AKAIN1: variants seen among roughly 807,000 people sequenced by gnomAD.
AKAIN1 encodes the protein A-kinase anchor inhibitor 1.
A neutral mutation model predicts 3.7 loss-of-function variants in AKAIN1; 3 were observed. That is an observed-to-expected ratio of 0.82 (90% CI 0.37 to 2.12). The LOEUF is 2.12. Ranked by LOEUF, AKAIN1 falls within the 30% of genes most tolerant of loss-of-function variation. AKAIN1 has a pLI of 0.06. For synonymous variants in AKAIN1, 31 were observed against 30.8 expected, an observed-to-expected ratio of 1.01 and a Z score of -0.02; for missense variants, 82 against 82.7, an observed-to-expected ratio of 0.99 and a Z score of 0.03.
At chr18:5,157,354 C>T (rs567348046) in intron 1 of AKAIN1, among the ~76,000 whole-genome samples, 1 of 152,374 alleles carries the variant, frequency 6.6e-6, no homozygotes, top group African/African-American at 2.4e-5. Flanking sequence ...TATCCCCTCA[C>T]TTTTGTTTAT....
chr18:5,164,052 T>C (rs1247861363), intron 1 of AKAIN1, among the ~76,000 whole-genome samples: 1 of 152,088 alleles, frequency 6.6e-6, no homozygotes, highest in Non-Finnish European at 1.5e-5. Context: ...CTCTTTTGAA[T>C]ATATATCATA....
At chr18:5,177,736 T>C (rs989362865) in intron 1 of AKAIN1, among the ~76,000 whole-genome samples, 5 of 152,150 alleles carry the variant, frequency 3.3e-5, no homozygotes, top group Non-Finnish European at 5.9e-5. Context: ...ATGACAAAAA[T>C]AGAAGCCTTG....
intron 1 of AKAIN1, among the ~76,000 whole-genome samples, chr18:5,175,403 G>A (rs555588926): frequency 6.6e-6 from 1 of 152,234 alleles, no homozygotes; most frequent in African/African-American, 2.4e-5. Context: ...AGAGATCATG[G>A]CATCCTAGGA....
At chr18:5,191,686 G>T (rs960267929) in intron 1 of AKAIN1, among the ~76,000 whole-genome samples, 2 of 151,408 alleles carry the variant, frequency 1.3e-5, no homozygotes, top group East Asian at 1.9e-4. Context: ...CCAAAATAAT[G>T]TTGAAAAAAA....
chr18:5,169,242 G>T (rs1230727107), intron 1 of AKAIN1, among the ~76,000 whole-genome samples: 1 of 151,998 alleles, frequency 6.6e-6, no homozygotes, highest in African/African-American at 2.4e-5. Context: ...CCACGTTATG[G>T]AGAGTCATAT....
In AKAIN1 at chr18:5,143,185, G is replaced by A. The variant is rs754392300; in HGVS notation, c.*2377C>T. ...TTAATCCTATGTCAAATGAAGTTCT[G>A]TAGGCCCCTTGTAAAATCTAGTAAC... On this transcript the variant is annotated 3_prime_UTR_variant, in exon 2 of 2. Coordinates refer to ENST00000434239, the MANE Select transcript of AKAIN1 (RefSeq NM_001145194.2). Among the ~76,000 whole-genome samples the A allele has an allele frequency of 6.6e-6, 1 of 152,242 alleles. No individual in the cohort carries two copies. Among genetic ancestry groups the A allele is most frequent in the Non-Finnish European group, 1.5e-5 (1 of 68,046 alleles).
At chr18:5,192,385 T>TTTATTTTCTTTCTTTCTTTC (rs572080430) in intron 1 of AKAIN1, among the ~76,000 whole-genome samples, 46 of 107,074 alleles carry the variant, frequency 4.3e-4, no homozygotes, top group African/African-American at 1.4e-3. Flanking sequence ...ACAGAGCTAA[T>TTTATTTTCTTTCTTTCTTTC]TTTCTTTCTT....
intron 1 of AKAIN1, among the ~76,000 whole-genome samples, chr18:5,192,147 A>G (rs1315114352): frequency 6.6e-6 from 1 of 152,204 alleles, no homozygotes; most frequent in Non-Finnish European, 1.5e-5. Flanking sequence ...AGTGATAAAG[A>G]CAGTGTGGTC....
At chr18:5,187,210 G>A (rs1490694312) in intron 1 of AKAIN1, among the ~76,000 whole-genome samples, 1 of 151,938 alleles carries the variant, frequency 6.6e-6, no homozygotes, top group East Asian at 1.9e-4. Flanking sequence ...ATTGAAAACA[G>A]GAAAAACAAT....
intron 1 of AKAIN1, among the ~76,000 whole-genome samples, chr18:5,191,171 C>A (rs2071316099): frequency 6.6e-6 from 1 of 152,050 alleles, no homozygotes; most frequent in South Asian, 2.1e-4. Context: ...GTACTAGAAG[C>A]ACTAGTCTGT....
At chr18:5,197,505 A>AAAAAAAAAAAAAC, upstream of AKAIN1, 1 of 1,024,802 alleles carries the variant, frequency 9.8e-7, no homozygotes, top group African/African-American at 4.4e-5. This position sits in a 1 kb window ranked among gnomAD's most constrained non-coding sequence, Gnocchi z 6.9. Context: ...TAGATTTGTC[A>AAAAAAAAAAAAAC]AAAAAAAAAA....
At chr18:5,197,609 C>T (rs545805640), upstream of AKAIN1, 83 of 534,450 alleles carry the variant, frequency 1.6e-4, no homozygotes, top group African/African-American at 1.5e-3. This position sits in a 1 kb window ranked among gnomAD's most constrained non-coding sequence, Gnocchi z 6.9. Flanking sequence ...GTTAATAGGT[C>T]CTGGAGGTCC....
intron 1 of AKAIN1, among the ~76,000 whole-genome samples, chr18:5,192,225 A>G (rs570929643): frequency 6.6e-6 from 1 of 152,240 alleles, no homozygotes; most frequent in East Asian, 1.9e-4. Flanking sequence ...GCTCATAAAT[A>G]TAGTCAATTA....
Position 5,197,147 on chromosome 18 carries a change from G to C in AKAIN1, c.-94C>G. ...CCGGACTTGGCGGGGTCCGGTGCAGGAGGGCGCGCTGGGCGGGCGGCGGGC... is the reference window on the plus strand; with the variant it reads ...CCGGACTTGGCGGGGTCCGGTGCAGCAGGGCGCGCTGGGCGGGCGGCGGGC... On this transcript the variant is annotated 5_prime_UTR_variant, in exon 1 of 2. Coordinates refer to ENST00000434239, the MANE Select transcript of AKAIN1 (RefSeq NM_001145194.2). The surrounding 1 kb of genome is among the most constrained non-coding windows in gnomAD (Gnocchi z 6.9). The C allele has an allele frequency of 6.5e-7, 1 of 1,532,126 alleles. No homozygotes were observed. The highest frequency in any genetic ancestry group is 8.8e-7 in the Non-Finnish European group (1 of 1,141,842). 94.9% of individuals were successfully genotyped at this position (1,532,126 alleles called of 1,614,324 possible).
chr18:5,154,035 C>G (rs2071093416), intron 1 of AKAIN1, among the ~76,000 whole-genome samples: 1 of 152,060 alleles, frequency 6.6e-6, no homozygotes, highest in Admixed American at 6.6e-5. Flanking sequence ...AGATCGAGAC[C>G]AGCCTAAGTA....
chr18:5,186,983 T>C (rs2071291140), intron 1 of AKAIN1, among the ~76,000 whole-genome samples: 1 of 152,066 alleles, frequency 6.6e-6, no homozygotes, highest in African/African-American at 2.4e-5. Context: ...AGAAAATATT[T>C]TGAAATGAAT....
chr18:5,144,772 C>G lies in AKAIN1; in HGVS notation c.*790G>C, dbSNP rs1049113171. ...GATAGGCAGCTGTTGAAGAAATCTA[C>G]ACTTCTAGCCATTCTCCATGAGGCT... On this transcript the variant is annotated 3_prime_UTR_variant, in exon 2 of 2. Transcript: ENST00000434239. Among the ~76,000 whole-genome samples, 4 of 152,190 alleles carry G rather than the reference C, an allele frequency of 2.6e-5. No homozygotes were observed. Among genetic ancestry groups the G allele is most frequent in the Non-Finnish European group, 4.4e-5 (3 of 68,028 alleles).
At position 5,175,195 on chromosome 18, in the gene AKAIN1, C is replaced by T. The variant is rs139447844; in HGVS notation, c.16+21843G>A. On this transcript the variant is annotated intron_variant, in intron 1 of 1. Transcript: ENST00000434239. ...ATGTGTACAATTTGTCACTCCTTGC[C>T]TCCCCATTTGTATACTCATAAGGCC... Among the ~76,000 whole-genome samples the T allele has an allele frequency of 8.7e-3, 1,329 of 152,202 alleles. 14 individuals are homozygous for T. The highest frequency in any genetic ancestry group is 0.034 in the Middle Eastern group (10 of 294).
intron 1 of AKAIN1, among the ~76,000 whole-genome samples, chr18:5,185,330 CA>C (rs1227511499): frequency 1.2e-4 from 19 of 152,178 alleles, no homozygotes; most frequent in African/African-American, 4.3e-4. Context: ...GCGACAAAAA[CA>C]AAAATTGACA....
Sources: gnomAD v4.1 joint callset for allele counts (sites outside exome capture counted in the v4.1 genomes callset) on GRCh38, gnomAD v4.1.1 for gene constraint, Gnocchi (gnomAD v3.1) non-coding constraint, MANE v1.5 for transcripts, NCBI Gene and HGNC (gene_info 2026-07-23, HGNC 2026-07-21) for gene names.